Variants in VLDLR observed in about 807,000 individuals in gnomAD.
VLDLR encodes very low density lipoprotein receptor.
VLDLR carries 81 observed loss-of-function variants against 112.7 expected under a neutral mutation model. The observed-to-expected ratio is 0.72, with a 90% CI of 0.60 to 0.86. The LOEUF (loss-of-function observed/expected upper bound fraction) is 0.86. Ranked by LOEUF, VLDLR falls within the 40% of genes least tolerant of loss-of-function variation. The pLI is 0.00. For missense variants in VLDLR, 1,237 were observed against 1,099.4 expected, an observed-to-expected ratio of 1.13 and a Z score of -1.77; for synonymous variants, 436 against 384.8, an observed-to-expected ratio of 1.13 and a Z score of -1.56.
chr9:2,645,882 T>G (rs563770253), intron 10 of VLDLR, 137 bp downstream of exon 10: 11 of 936,598 alleles, frequency 1.2e-5, no homozygotes, highest in Non-Finnish European at 1.8e-5. Flanking sequence ...TTAAATCTAA[T>G]GCTAATTCTT....
downstream of VLDLR, chr9:2,660,056 A>ACTG (rs143910176): frequency 6.6e-6 from 1 of 151,844 alleles, no homozygotes; most frequent in Non-Finnish European, 1.5e-5. Flanking sequence ...TTTTGGGATA[A>ACTG]TTGTGAGCCT....
At chr9:2,645,469 C>A in intron 9 of VLDLR, 105 bp from the exon 10 acceptor site, 1 of 1,369,894 alleles carries the variant, frequency 7.3e-7, no homozygotes, top group Non-Finnish European at 1.0e-6. Flanking sequence ...TGAGGTATTC[C>A]ACAATACCTT....
intron 9 of VLDLR, 22 bp downstream of exon 9, chr9:2,645,104 T>C: frequency 6.2e-7 from 1 of 1,614,048 alleles, no homozygotes; most frequent in Non-Finnish European, 8.5e-7. Flanking sequence ...TGGACTGGTA[T>C]GGCTGTTGTA....
chr9:2,641,841 TAGA>T (rs1817842323), intron 4 of VLDLR, among the ~76,000 whole-genome samples: 1 of 152,082 alleles, frequency 6.6e-6, no homozygotes, highest in Non-Finnish European at 1.5e-5. Context: ...ACAATAAAAT[TAGA>T]AGGTGAGTAG....
chr9:2,635,418 T>C (rs1380845370), intron 1 of VLDLR, 35 bp from the exon 2 acceptor site: 16 of 1,613,266 alleles, frequency 9.9e-6, no homozygotes, highest in African/African-American at 1.3e-5. Flanking sequence ...CTATAACCAA[T>C]CCTTGCTTTA....
chr9:2,646,077 T>C (rs1347146377), intron 10 of VLDLR, among the ~76,000 whole-genome samples: 1 of 152,072 alleles, frequency 6.6e-6, no homozygotes, highest in African/African-American at 2.4e-5. Flanking sequence ...ACTCAGATGA[T>C]GGATACTGAA....
intron 1 of VLDLR, among the ~76,000 whole-genome samples, chr9:2,633,234 C>G (rs971595035): frequency 7.9e-5 from 12 of 152,136 alleles, no homozygotes; most frequent in Non-Finnish European, 4.4e-5. Context: ...GATGCCTGTC[C>G]TGAGTCTCCT....
chr9:2,650,215 T>C (rs940276711), intron 14 of VLDLR, among the ~76,000 whole-genome samples, 155 bp from the exon 15 acceptor site: 2 of 152,192 alleles, frequency 1.3e-5, no homozygotes, highest in Admixed American at 6.5e-5. Flanking sequence ...TGTATACTTA[T>C]TCTTCCTTGA....
intron 10 of VLDLR, 52 bp downstream of exon 10, chr9:2,645,797 G>GA (rs1818045730): frequency 6.2e-7 from 1 of 1,607,536 alleles, no homozygotes; most frequent in Non-Finnish European, 8.5e-7. Context: ...TGTCACTTGG[G>GA]AAGTGATCTG....
At chr9:2,651,353 A>G in intron 15 of VLDLR, 62 bp from the exon 16 acceptor site, 1 of 1,457,200 alleles carries the variant, frequency 6.9e-7, no homozygotes, top group Non-Finnish European at 9.6e-7. Flanking sequence ...GCTTGTCTGG[A>G]CAAAACAGCT....
chr9:2,623,982 G>A (rs927678071), intron 1 of VLDLR, among the ~76,000 whole-genome samples: 2 of 152,142 alleles, frequency 1.3e-5, no homozygotes, highest in African/African-American at 2.4e-5. Context: ...ATTTCAAAAC[G>A]CTAAGGTATA....
chr9:2,635,402 T>C (rs775915818), intron 1 of VLDLR, 51 bp from the exon 2 acceptor site: 2 of 1,612,616 alleles, frequency 1.2e-6, no homozygotes, highest in South Asian at 2.2e-5. Flanking sequence ...ATTAGGTATC[T>C]TGAATCTATA....
chr9:2,638,338 G>C (rs554814609), intron 2 of VLDLR, among the ~76,000 whole-genome samples: 1 of 152,084 alleles, frequency 6.6e-6, no homozygotes, highest in African/African-American at 2.4e-5. Flanking sequence ...CTCTCAACCA[G>C]AGTGGTCCAA....
Position 2,655,425 on chromosome 9 carries a change from G to A in VLDLR, c.*1557G>A, listed in dbSNP as rs1399645231. 1 of 152,196 alleles carries A rather than the reference G, an allele frequency of 6.6e-6. No individual in the cohort carries two copies. The highest frequency in any genetic ancestry group is 1.5e-5 in the Non-Finnish European group (1 of 68,046). The allele number at this position is 152,196 out of a possible 1,614,324, so 9.4% of individuals were successfully genotyped here. On this transcript the variant is annotated 3_prime_UTR_variant, in exon 19 of 19. Transcript: ENST00000382100. ...TGCTGTGTGTCACAAGTGAGGTGGA[G>A]AGTTGGCTGTGGAAGGTACAGCAAT...
chr9:2,633,258 T>C (rs1817449308), intron 1 of VLDLR, among the ~76,000 whole-genome samples: 1 of 152,206 alleles, frequency 6.6e-6, no homozygotes, highest in African/African-American at 2.4e-5. Context: ...TATAGACTCT[T>C]AGAGCAGAGC....
At chr9:2,649,650 C>T (rs548823670) in intron 14 of VLDLR, among the ~76,000 whole-genome samples, 2 of 152,318 alleles carry the variant, frequency 1.3e-5, no homozygotes, top group East Asian at 3.9e-4. Context: ...CCTCGGCCTC[C>T]TAAAGTGCCG....
chr9:2,628,402 T>TG (rs1213857755), intron 1 of VLDLR, among the ~76,000 whole-genome samples: 6 of 152,192 alleles, frequency 3.9e-5, no homozygotes, highest in Non-Finnish European at 8.8e-5. Flanking sequence ...GGCAAAGCCA[T>TG]GGGGAAGTGA....
chr9:2,643,794 C>G lies in VLDLR; in HGVS notation c.944-43C>G, dbSNP rs190699746. The G allele has an allele frequency of 6.4e-5, 104 of 1,614,134 alleles. No homozygotes were observed. In the Middle Eastern group the frequency reaches 9.9e-4, roughly 15 times the overall value. ...TGGTTAAGCAATGGATTGCTCTGAC[C>G]AGACCCACTCATGGAATCTCTCTTC... On this transcript the variant is annotated intron_variant, in intron 6 of 18. Transcript: ENST00000382100.
In VLDLR at chr9:2,654,774, T is replaced by TAAG. The variant is rs2130815342; in HGVS notation, c.*908_*910dup. On this transcript the variant is annotated 3_prime_UTR_variant, in exon 19 of 19. Transcript: ENST00000382100. Reference sequence around the variant, plus strand: ...TGTTTCCTGATCGAGAAACACGTGCTAAGATTTCTATGAATTCTGCTTCTT... The same window carrying TAAG: ...TGTTTCCTGATCGAGAAACACGTGCTAAGAAGATTTCTATGAATTCTGCTTCTT... The TAAG allele has an allele frequency of 6.6e-6, 1 of 152,354 alleles. No individual in the cohort carries two copies. Among genetic ancestry groups the TAAG allele is most frequent in the African/African-American group, 2.4e-5 (1 of 41,580 alleles). The allele number at this position is 152,354 out of a possible 1,614,324, so 9.4% of individuals were successfully genotyped here.
Sources: allele counts gnomAD v4.1 joint callset (sites outside exome capture counted in the v4.1 genomes callset), GRCh38; gene constraint gnomAD v4.1.1; transcripts MANE v1.5; gene names NCBI Gene and HGNC (gene_info 2026-07-23, HGNC 2026-07-21).